GPHN: variants seen among roughly 807,000 people sequenced by gnomAD.
The protein encoded by GPHN is gephyrin.
In GPHN, 17 loss-of-function variants were observed where a neutral mutation model predicts 95.5. The observed-to-expected ratio is 0.18, with a 90% CI of 0.12 to 0.27. GPHN has a LOEUF of 0.27. GPHN is among the 10% of genes least tolerant of loss of function. The pLI is 1.00. For synonymous variants in GPHN, 320 were observed against 322.5 expected, an observed-to-expected ratio of 0.99 and a Z score of 0.08; for missense variants, 660 against 978.1, an observed-to-expected ratio of 0.67 and a Z score of 4.34.
At chr14:67,487,622 C>T in the GPHN span, among the ~76,000 whole-genome samples, 2 of 152,312 alleles carry the variant, frequency 1.3e-5, no homozygotes, top group South Asian at 4.1e-4. Context: ...ACCACTCGTG[C>T]AGAAAAACAA....
rs373155760 is a variant in GPHN, at chr14:67,095,900, G to T, written c.1238-4956G>T. 4.3e-5 allele frequency among the ~76,000 whole-genome samples: 6 copies of T among 139,178 alleles called. No individual in the cohort carries two copies. In the East Asian group the frequency reaches 1.1e-3, roughly 24 times the overall value. 91.3% of individuals were successfully genotyped at this position (139,178 alleles called of 152,430 possible). A position where few individuals can be genotyped will look rare whatever the true frequency, so the allele number is the denominator to read the frequency against. Reference sequence around the variant, plus strand: ...CATATGTAACTAACCGGCACATTGTGCACATGTACCCTAAAACTTAAAGTA... The same window carrying T: ...CATATGTAACTAACCGGCACATTGTTCACATGTACCCTAAAACTTAAAGTA... On this transcript the variant is annotated intron_variant, in intron 12 of 22. Transcript: ENST00000478722.
the GPHN span, among the ~76,000 whole-genome samples, chr14:67,717,307 T>C: frequency 4.9e-4 from 75 of 152,316 alleles, no homozygotes; most frequent in Middle Eastern, 0.01. Flanking sequence ...TTTTGAAGTA[T>C]ATGTGTACAC....
At chr14:67,636,953 TAGAG>T in the GPHN span, among the ~76,000 whole-genome samples, 1 of 152,108 alleles carries the variant, frequency 6.6e-6, no homozygotes, top group East Asian at 1.9e-4. Context: ...GATGCACAGT[TAGAG>T]AAAGGGAAAG....
At chr14:66,664,191 AT>A (rs1472371617) in intron 1 of GPHN, among the ~76,000 whole-genome samples, 2 of 152,216 alleles carry the variant, frequency 1.3e-5, no homozygotes, top group African/African-American at 4.8e-5. Context: ...TCTCATCACC[AT>A]GTGGCACTTA....
intron 21 of GPHN, among the ~76,000 whole-genome samples, chr14:67,171,166 T>A (rs1160707490): frequency 6.6e-6 from 1 of 151,862 alleles, no homozygotes; most frequent in African/African-American, 2.4e-5. Flanking sequence ...CTGGGCAACA[T>A]AGCAACACCC....
chr14:66,965,781 T>C (rs2153587865), intron 9 of GPHN, among the ~76,000 whole-genome samples: 1 of 152,192 alleles, frequency 6.6e-6, no homozygotes, highest in East Asian at 1.9e-4. Flanking sequence ...CAAACATTCA[T>C]CTTGGAATGT....
intron 2 of GPHN, among the ~76,000 whole-genome samples, chr14:66,685,247 A>G (rs1372611711): frequency 6.6e-6 from 1 of 152,132 alleles, no homozygotes; most frequent in Non-Finnish European, 1.5e-5. Context: ...ATGACTTATA[A>G]TCCTTTGGGT....
intron 5 of GPHN, among the ~76,000 whole-genome samples, chr14:66,885,407 G>A (rs1473844089): frequency 6.6e-6 from 1 of 152,130 alleles, no homozygotes; most frequent in Non-Finnish European, 1.5e-5. Flanking sequence ...AACCTAGTGT[G>A]CTACTAGCCA....
At chr14:67,600,583 A>C in the GPHN span, among the ~76,000 whole-genome samples, 4 of 152,108 alleles carry the variant, frequency 2.6e-5, no homozygotes, top group Non-Finnish European at 5.9e-5. Flanking sequence ...TGTGCGAGAG[A>C]GCAAGACCCT....
At chr14:66,773,929 G>T (rs2059278488) in intron 2 of GPHN, among the ~76,000 whole-genome samples, 1 of 148,866 alleles carries the variant, frequency 6.7e-6, no homozygotes, top group Admixed American at 6.7e-5. Context: ...TTGGGCCCTA[G>T]ATAATCTTTA....
chr14:67,082,165 A>T (rs2076719875), intron 11 of GPHN, among the ~76,000 whole-genome samples: 1 of 152,164 alleles, frequency 6.6e-6, no homozygotes, highest in African/African-American at 2.4e-5. Context: ...TGCAAATTAC[A>T]TTGAATTTGT....
intron 17 of GPHN, among the ~76,000 whole-genome samples, chr14:67,135,153 T>A (rs1467306280): frequency 6.6e-6 from 1 of 151,940 alleles, no homozygotes. Context: ...AGAGACAGGG[T>A]TTCACCATGT....
the GPHN span, among the ~76,000 whole-genome samples, chr14:67,706,530 G>A: frequency 3.3e-5 from 5 of 152,198 alleles, no homozygotes; most frequent in Admixed American, 6.5e-5. Flanking sequence ...GGGACAGCTC[G>A]AAGCATGGAA....
At chr14:66,808,895 G>A (rs2060653641) in intron 3 of GPHN, among the ~76,000 whole-genome samples, 1 of 152,208 alleles carries the variant, frequency 6.6e-6, no homozygotes, top group South Asian at 2.1e-4. Context: ...TCTTCATGGA[G>A]AACATGATGG....
intron 2 of GPHN, among the ~76,000 whole-genome samples, chr14:66,715,630 C>T (rs937203328): frequency 6.6e-6 from 1 of 152,020 alleles, no homozygotes; most frequent in Non-Finnish European, 1.5e-5. Context: ...TATGAACTTT[C>T]CTGTTAGCAC....
chr14:66,739,161 G>T (rs1448090103), intron 2 of GPHN, among the ~76,000 whole-genome samples: 1 of 150,686 alleles, frequency 6.6e-6, no homozygotes, highest in Non-Finnish European at 1.5e-5. Context: ...GAATGAATTT[G>T]CAATTCAAAT....
intron 19 of GPHN, 77 bp from the exon 20 acceptor site, chr14:67,165,085 A>T: frequency 1.0e-6 from 1 of 979,040 alleles, no homozygotes; most frequent in Non-Finnish European, 1.7e-6. Context: ...TGTATGGATT[A>T]CAAAAACACT....
the GPHN span, chr14:67,473,687 G>A: frequency 5.7e-6 from 9 of 1,587,572 alleles, no homozygotes; most frequent in Middle Eastern, 3.3e-4. The surrounding 1 kb of genome is among the most constrained non-coding windows in gnomAD (Gnocchi z 6.5). Flanking sequence ...AGAGCGTGTA[G>A]ATGAGGCAGC....
the GPHN span, among the ~76,000 whole-genome samples, chr14:67,444,768 T>TTG: frequency 6.6e-6 from 1 of 151,992 alleles, no homozygotes; most frequent in Non-Finnish European, 1.5e-5. Context: ...AAACTCTTTT[T>TTG]TGTGTGTGTG....
Sources: allele counts gnomAD v4.1 joint callset (sites outside exome capture counted in the v4.1 genomes callset), GRCh38; gene constraint gnomAD v4.1.1; non-coding constraint Gnocchi (gnomAD v3.1); transcripts MANE v1.5; gene names NCBI Gene and HGNC (gene_info 2026-07-23, HGNC 2026-07-21).